TNKS: variants seen among roughly 807,000 people sequenced by gnomAD.
TNKS encodes tankyrase.
A neutral mutation model predicts 135.8 loss-of-function variants in TNKS; 72 were observed. The ratio of observed to expected loss-of-function variants is 0.53; its 90% confidence interval spans 0.44 to 0.64. TNKS has a LOEUF of 0.64. Ranked by LOEUF, TNKS falls within the 30% of genes least tolerant of loss-of-function variation. TNKS has a pLI of 0.00. For synonymous variants in TNKS, 849 were observed against 649.3 expected (o/e 1.31, Z -4.68); for missense variants, 1,769 against 1,674.0 (o/e 1.06, Z -0.99).
At chr8:9,640,885 C>A (rs780123750) in intron 3 of TNKS, among the ~76,000 whole-genome samples, 1 of 146,188 alleles carries the variant, frequency 6.8e-6, no homozygotes, top group Non-Finnish European at 1.5e-5. Flanking sequence ...CAACATCCTT[C>A]TCACCTGGCT....
chr8:9,595,623 C>T (rs1798754602), intron 2 of TNKS, among the ~76,000 whole-genome samples: 1 of 151,902 alleles, frequency 6.6e-6, no homozygotes, highest in Non-Finnish European at 1.5e-5. Context: ...CGTATGGAAG[C>T]TTTCACTCTT....
At chr8:9,690,181 G>C (rs1803198013) in intron 5 of TNKS, among the ~76,000 whole-genome samples, 1 of 152,134 alleles carries the variant, frequency 6.6e-6, no homozygotes, top group South Asian at 2.1e-4. Context: ...AATCTTGTGA[G>C]AGCATGCTAG....
intron 1 of TNKS, 26 bp downstream of exon 1, chr8:9,556,638 A>G (rs1269609141): frequency 6.2e-7 from 1 of 1,611,932 alleles, no homozygotes; most frequent in Non-Finnish European, 8.5e-7. Flanking sequence ...ATTGTTTATT[A>G]AGGGTTATGG....
chr8:9,611,240 TTAA>T (rs1799450153), intron 2 of TNKS, among the ~76,000 whole-genome samples: 2 of 152,236 alleles, frequency 1.3e-5, no homozygotes, highest in African/African-American at 2.4e-5. Context: ...AATTTGAGGT[TTAA>T]TAATGTCCCA....
intron 14 of TNKS, among the ~76,000 whole-genome samples, chr8:9,732,068 G>A (rs943170733): frequency 5.3e-5 from 8 of 152,170 alleles, no homozygotes; most frequent in Admixed American, 2.0e-4. Context: ...GATTACAGGC[G>A]TGAGCCACTG....
At chr8:9,685,281 T>C (rs899436574) in intron 5 of TNKS, among the ~76,000 whole-genome samples, 9 of 152,138 alleles carry the variant, frequency 5.9e-5, no homozygotes, top group African/African-American at 2.2e-4. Context: ...GTCAGAGGGA[T>C]TGGGTTCTAT....
intron 3 of TNKS, among the ~76,000 whole-genome samples, chr8:9,637,282 G>C: frequency 6.6e-6 from 1 of 152,136 alleles, no homozygotes; most frequent in South Asian, 2.1e-4. Flanking sequence ...TGAGTATCAT[G>C]TTGTTTTTCT....
chr8:9,764,782 G>C lies in TNKS; in HGVS notation c.3439G>C (p.Val1147Leu). The C allele has an allele frequency of 6.3e-7, 1 of 1,592,774 alleles. No individual in the cohort carries two copies. The highest frequency in any genetic ancestry group is 1.2e-5 in the South Asian group (1 of 86,522). ...TGGCGGCATCTTCAACAGATACAAT[G>C]TCATTCGAGTAAGTTTTTAAAGTTT... is the stretch of plus-strand genomic sequence containing the variant. ...NAGGIFNRYN[V>L]IRIQKVVNKK... is the part of the protein sequence containing the mutation. Residue 1147 changes from valine to leucine, a missense_variant, in exon 23 of 27, where the codon GTC (valine) becomes CTC (leucine). Physicochemically the swap from Val to Leu is conservative, Grantham distance 32 (BLOSUM62 1). Coordinates refer to ENST00000310430, the MANE Select transcript of TNKS (RefSeq NM_003747.3).
chr8:9,766,346 AG>A lies in TNKS; in HGVS notation c.3662del (p.Ser1221ThrfsTer34), dbSNP rs1254261200. 1 of 1,613,896 alleles carries A rather than the reference AG, an allele frequency of 6.2e-7. No individual in the cohort carries two copies. The highest frequency in any genetic ancestry group is 1.7e-5 in the Admixed American group (1 of 60,002). ...TTATTTTGCTGAAAACTCCTCAAAA[AG>A]CAACCAATATGTTTATGGAATTGGA... ...GIYFAENSSK[S>X]NQYVYGIGGG... On this transcript the variant is annotated frameshift_variant, in exon 25 of 27. Transcript: ENST00000310430. LOFTEE classifies it high-confidence loss of function.
At chr8:9,700,393 G>A (rs1371553761) in intron 5 of TNKS, among the ~76,000 whole-genome samples, 2 of 152,168 alleles carry the variant, frequency 1.3e-5, no homozygotes, top group South Asian at 2.1e-4. Flanking sequence ...AGCACTTAAC[G>A]TGGTGTCAGA....
intron 3 of TNKS, among the ~76,000 whole-genome samples, chr8:9,666,969 C>G (rs1802029344): frequency 6.6e-6 from 1 of 152,002 alleles, no homozygotes; most frequent in African/African-American, 2.4e-5. Flanking sequence ...AATTAAAATG[C>G]TAAATTAGCA....
chr8:9,720,720 G>T (rs6994557), intron 12 of TNKS, among the ~76,000 whole-genome samples, 175 bp downstream of exon 12: 108,486 of 152,100 alleles, frequency 0.71, 39,061 homozygotes, highest in Admixed American at 0.8. Context: ...TAGGTGTCAT[G>T]GGAAGGAAGC....
At chr8:9,679,889 A>G (rs899172183) in intron 3 of TNKS, 62 bp from the exon 4 acceptor site, 7 of 1,296,822 alleles carry the variant, frequency 5.4e-6, no homozygotes, top group South Asian at 1.2e-5. Flanking sequence ...TTTGCTGCCT[A>G]CTGCATTTCT....
At chr8:9,599,593 T>TA (rs1381885962) in intron 2 of TNKS, among the ~76,000 whole-genome samples, 41 of 152,200 alleles carry the variant, frequency 2.7e-4, no homozygotes, top group Admixed American at 5.9e-4. Context: ...CACTCAATCT[T>TA]ACATTTATTC....
chr8:9,756,639 A>G (rs945176495), intron 20 of TNKS, among the ~76,000 whole-genome samples: 2 of 152,210 alleles, frequency 1.3e-5, no homozygotes, highest in African/African-American at 4.8e-5. Context: ...CTAAAATCCA[A>G]CTAACCTGCT....
chr8:9,766,367 A>G lies in TNKS; in HGVS notation c.3682A>G (p.Ile1228Val). 1 of 1,613,868 alleles carries G rather than the reference A, an allele frequency of 6.2e-7. No homozygotes were observed. The highest frequency in any genetic ancestry group is 8.5e-7 in the Non-Finnish European group (1 of 1,179,876). ...AAAAAGCAACCAATATGTTTATGGA[A>G]TTGGAGGAGGAACAGGCTGCCCTAC... ...SSKSNQYVYGIGGGTGCPTHK... is the reference protein window; with the variant it reads ...SSKSNQYVYGVGGGTGCPTHK... The change falls in exon 25 of 27, where the codon ATT becomes GTT. Residue 1228 changes from isoleucine (I) to valine (V), a missense_variant. Physicochemically the swap from Ile to Val is conservative, Grantham distance 29. Around this residue, in one of 5 missense-constraint regions of TNKS, gnomAD observed 722 missense variants for 688.9 expected, o/e 1.05. Transcript: ENST00000310430.
intron 26 of TNKS, among the ~76,000 whole-genome samples, chr8:9,772,087 G>C (rs1003055108): frequency 2.1e-5 from 3 of 146,266 alleles, no homozygotes; most frequent in African/African-American, 7.7e-5. Flanking sequence ...GAGAGAGAAG[G>C]AGGGAGGGAG....
At chr8:9,662,533 G>A (rs963063268) in intron 3 of TNKS, among the ~76,000 whole-genome samples, 1 of 152,058 alleles carries the variant, frequency 6.6e-6, no homozygotes, top group Non-Finnish European at 1.5e-5. Flanking sequence ...CTCATAGGTG[G>A]GTATTGAACA....
At chr8:9,717,333 C>T (rs1372351095) in intron 11 of TNKS, among the ~76,000 whole-genome samples, 3 of 151,684 alleles carry the variant, frequency 2.0e-5, no homozygotes, top group Non-Finnish European at 2.9e-5. Context: ...TTTAACTATG[C>T]ATACCACCAA....
Sources: allele counts gnomAD v4.1 joint callset (sites outside exome capture counted in the v4.1 genomes callset), GRCh38; gene constraint gnomAD v4.1.1; regional missense constraint gnomAD v4.1.1; transcripts MANE v1.5; gene names NCBI Gene and HGNC (gene_info 2026-07-23, HGNC 2026-07-21).